ERC1: variants seen among roughly 807,000 people sequenced by gnomAD.
The protein encoded by ERC1 is ELKS/RAB6-interacting/CAST family member 1, also known as RAB6 interacting protein 2.
In ERC1, 56 loss-of-function variants were observed where a neutral mutation model predicts 132.0. That is an observed-to-expected ratio of 0.42 (90% CI 0.34 to 0.53). ERC1 has a LOEUF of 0.53. Among genes scored for constraint, ERC1 ranks in the 20% least tolerant of loss-of-function variants. The pLI, the probability that ERC1 is intolerant of heterozygous loss-of-function variation, is 0.03. For synonymous variants in ERC1, 478 were observed against 476.1 expected, an observed-to-expected ratio of 1.00 and a Z score of -0.05; for missense variants, 1,202 against 1,349.9, an observed-to-expected ratio of 0.89 and a Z score of 1.72.
At chr12:1,179,164 G>T (rs1030683681) in intron 8 of ERC1, among the ~76,000 whole-genome samples, 4 of 152,094 alleles carry the variant, frequency 2.6e-5, no homozygotes, top group Non-Finnish European at 5.9e-5. Context: ...TTTCCACAGT[G>T]TTATCTCATA....
At chr12:1,238,736 G>T (rs1256764315) in intron 13 of ERC1, among the ~76,000 whole-genome samples, 1 of 152,012 alleles carries the variant, frequency 6.6e-6, no homozygotes, top group African/African-American at 2.4e-5. Flanking sequence ...TCTATTAGCA[G>T]TCTCTCTCTA....
chr12:1,029,590 A>G (rs1422742080), intron 2 of ERC1, among the ~76,000 whole-genome samples: 1 of 152,164 alleles, frequency 6.6e-6, no homozygotes, highest in Non-Finnish European at 1.5e-5. Context: ...GTGCTGTCAC[A>G]TTAGCTACAG....
rs146046796 is a variant in ERC1 at position 1,364,571 on chromosome 12, G to A, written c.2781-7262G>A. Among the ~76,000 whole-genome samples the A allele has an allele frequency of 5.9e-5, 9 of 152,222 alleles. No homozygotes were observed. In the East Asian group the frequency reaches 1.2e-3, roughly 20 times the overall value. On this transcript the variant is annotated intron_variant, in intron 15 of 18. Transcript: ENST00000360905. The stretch of plus-strand genomic sequence containing the variant: ...TAGACACTCTCTAATCCAGTTCTAC[G>A]ATGTGTCCTCACATGTGACTGGTGC...
intron 18 of ERC1, among the ~76,000 whole-genome samples, chr12:1,453,199 C>T (rs1211744925): frequency 6.6e-6 from 1 of 152,130 alleles, no homozygotes; most frequent in African/African-American, 2.4e-5. Context: ...CATCTCCCCC[C>T]TACTCAGCAC....
In ERC1 at chr12:1,126,466, A is replaced by G. The variant is rs1017721777; in HGVS notation, c.1569+10433A>G. Among the ~76,000 whole-genome samples the G allele has an allele frequency of 3.3e-5, 5 of 152,222 alleles. No individual in the cohort carries two copies. The East Asian group carries it at 9.6e-4, about 29-fold the overall frequency. ...GGCCACCTACTTCATGCTAGATGAAACAGTGAACTCTAGATGGATTAAAGA... is the reference window on the plus strand; with the variant it reads ...GGCCACCTACTTCATGCTAGATGAAGCAGTGAACTCTAGATGGATTAAAGA... On this transcript the variant is annotated intron_variant, in intron 7 of 18. Coordinates refer to ENST00000360905, the MANE Select transcript of ERC1 (RefSeq NM_178040.4).
intron 14 of ERC1, among the ~76,000 whole-genome samples, chr12:1,271,716 A>C (rs10848452): frequency 0.43 from 65,471 of 151,968 alleles, 15,036 homozygotes; most frequent in African/African-American, 0.59. Flanking sequence ...ATTTTTAGCC[A>C]AGTTTTCTCT....
intron 12 of ERC1, 78 bp from the exon 13 acceptor site, chr12:1,236,691 T>G (rs370666706): frequency 7.3e-7 from 1 of 1,376,306 alleles, no homozygotes; most frequent in Non-Finnish European, 9.8e-7. Context: ...TTATTGTCAC[T>G]GGTGTAAGTC....
intron 3 of ERC1, among the ~76,000 whole-genome samples, chr12:1,094,809 T>A (rs912416740): frequency 4.6e-5 from 7 of 152,204 alleles, no homozygotes; most frequent in African/African-American, 1.2e-4. Flanking sequence ...GGTAATGGGT[T>A]CAGGTACAAT....
In ERC1 at chr12:1,400,160, C is replaced by G. The variant is rs1417355972; in HGVS notation, c.2926-7989C>G. 2.6e-5 allele frequency among the ~76,000 whole-genome samples: 4 copies of G among 152,166 alleles called. No individual in the cohort carries two copies. In the East Asian group the frequency reaches 7.7e-4, roughly 29 times the overall value. On this transcript the variant is annotated intron_variant, in intron 16 of 18. Coordinates refer to ENST00000360905, the MANE Select transcript of ERC1 (RefSeq NM_178040.4). Reference sequence around the variant, plus strand: ...CCGTTGTTCCTGTAGATCACTGTGGCTTTGATACGCATTTCCCTATTGGTG... The same window carrying G: ...CCGTTGTTCCTGTAGATCACTGTGGGTTTGATACGCATTTCCCTATTGGTG...
intron 14 of ERC1, among the ~76,000 whole-genome samples, chr12:1,276,460 G>A (rs1027093924): frequency 5.3e-5 from 8 of 151,930 alleles, no homozygotes; most frequent in African/African-American, 1.7e-4. Context: ...GGCTGGTCTC[G>A]AACTCCTGAC....
At chr12:1,324,294 T>G (rs895789107) in intron 15 of ERC1, among the ~76,000 whole-genome samples, 3 of 152,110 alleles carry the variant, frequency 2.0e-5, no homozygotes, top group African/African-American at 7.2e-5. Flanking sequence ...GAGGTGATAA[T>G]GAACTCCAAA....
At chr12:1,225,093 A>C (rs1566303427) in intron 12 of ERC1, among the ~76,000 whole-genome samples, 1 of 151,136 alleles carries the variant, frequency 6.6e-6, no homozygotes, top group Non-Finnish European at 1.5e-5. Flanking sequence ...ATATACATAC[A>C]TTTGGGATCA....
intron 15 of ERC1, among the ~76,000 whole-genome samples, chr12:1,303,490 T>A (rs941646447): frequency 2.6e-5 from 4 of 151,184 alleles, no homozygotes; most frequent in African/African-American, 4.9e-5. Context: ...CAAAAAAAAA[T>A]TAGCTGGGTG....
At chr12:1,236,622 A>G (rs1462178522) in intron 12 of ERC1, 147 bp from the exon 13 acceptor site, 2 of 719,210 alleles carry the variant, frequency 2.8e-6, no homozygotes, top group Non-Finnish European at 4.4e-6. Context: ...AGAGGAACGA[A>G]TTTGGAATTG....
chr12:1,369,165 A>G (rs1487158746), intron 15 of ERC1, among the ~76,000 whole-genome samples: 1 of 152,230 alleles, frequency 6.6e-6, no homozygotes, highest in Admixed American at 6.5e-5. Context: ...TCAGACTCCA[A>G]TGCCACATTC....
At position 1,166,271 on chromosome 12, in the gene ERC1, C is replaced by T. The variant is rs375748474; in HGVS notation, c.1738-14269C>T. On this transcript the variant is annotated intron_variant, in intron 8 of 18. Transcript: ENST00000360905. ...TTCTTGCAATAGTGAATAAGTCTCACGAGATCTGATGGTTTTATAAAGAGA... is the reference window on the plus strand; with the variant it reads ...TTCTTGCAATAGTGAATAAGTCTCATGAGATCTGATGGTTTTATAAAGAGA... Among the ~76,000 whole-genome samples the T allele has an allele frequency of 5.3e-5, 8 of 152,094 alleles. No homozygotes were observed. The East Asian group carries it at 7.7e-4, about 15-fold the overall frequency.
intron 7 of ERC1, among the ~76,000 whole-genome samples, chr12:1,139,297 G>A (rs1156713599): frequency 6.6e-6 from 1 of 152,054 alleles, no homozygotes; most frequent in Non-Finnish European, 1.5e-5. Flanking sequence ...CTGCCCCTTA[G>A]TCACTAGTAG....
chr12:1,083,548 C>A lies in ERC1; in HGVS notation c.1054C>A (p.Gln352Lys), dbSNP rs1565932855. 3 of 1,604,654 alleles carry A rather than the reference C, an allele frequency of 1.9e-6. No individual in the cohort carries two copies. Among genetic ancestry groups the A allele is most frequent in the Admixed American group, 3.5e-5 (2 of 57,084 alleles). ...TCATCACCTAGAAAGCCTTTTGGAGCAGAAGGAAAAAGAGAACAGTATGTT... is the reference window on the plus strand; with the variant it reads ...TCATCACCTAGAAAGCCTTTTGGAGAAGAAGGAAAAAGAGAACAGTATGTT... ...HVHHLESLLE[Q>K]KEKENSMLRE... is the part of the protein sequence containing the mutation. Residue 352 changes from glutamine to lysine, a missense_variant, in exon 3 of 19, where the codon CAG becomes AAG. Transcript: ENST00000360905.
intron 14 of ERC1, among the ~76,000 whole-genome samples, chr12:1,268,300 G>A (rs992990160): frequency 1.3e-5 from 2 of 152,084 alleles, no homozygotes; most frequent in African/African-American, 4.8e-5. Flanking sequence ...TGGCAGTGTT[G>A]CTCTGAAAAT....
Sources: allele counts gnomAD v4.1 joint callset (sites outside exome capture counted in the v4.1 genomes callset), GRCh38; gene constraint gnomAD v4.1.1; transcripts MANE v1.5; gene names NCBI Gene and HGNC (gene_info 2026-07-23, HGNC 2026-07-21).